Variants in RNF180 observed in about 807,000 individuals in gnomAD.
RNF180 encodes ring finger protein 180.
Under a neutral mutation model 59.2 loss-of-function variants are expected in RNF180, and 38 were observed. That is an observed-to-expected ratio of 0.64 (90% CI 0.50 to 0.84). The LOEUF (loss-of-function observed/expected upper bound fraction) is 0.84, where lower values mean the gene tolerates loss of function less well. Ranked by LOEUF, RNF180 falls within the 40% of genes least tolerant of loss-of-function variation. The probability of loss-of-function intolerance (pLI) is 0.00; values close to 1 mark genes in which losing one functional copy is unlikely to be tolerated. For missense variants in RNF180, 705 were observed against 700.9 expected (o/e 1.01, Z -0.07); for synonymous variants, 262 against 240.3 (o/e 1.09, Z -0.84).
intron 5 of RNF180, among the ~76,000 whole-genome samples, chr5:64,286,649 G>T (rs917031697): frequency 7.9e-5 from 12 of 152,180 alleles, no homozygotes; most frequent in African/African-American, 2.9e-4. Flanking sequence ...CTTTTCCATT[G>T]TGCGAAGCAC....
At chr5:64,171,374 G>T (rs1358771563) in intron 1 of RNF180, among the ~76,000 whole-genome samples, 1 of 152,196 alleles carries the variant, frequency 6.6e-6, no homozygotes, top group Admixed American at 6.5e-5. Context: ...ACTTTTGGCA[G>T]TTTTGTTTTA....
At chr5:64,327,853 G>A (rs1744720923) in intron 6 of RNF180, among the ~76,000 whole-genome samples, 1 of 152,096 alleles carries the variant, frequency 6.6e-6, no homozygotes, top group Non-Finnish European at 1.5e-5. Context: ...GCAATGCTGG[G>A]AATGAGTTAT....
chr5:64,252,539 G>C (rs1743652475), intron 5 of RNF180, among the ~76,000 whole-genome samples: 1 of 151,838 alleles, frequency 6.6e-6, no homozygotes, highest in Non-Finnish European at 1.5e-5. Context: ...TTTTGCATAG[G>C]GAATACATAC....
intron 5 of RNF180, among the ~76,000 whole-genome samples, chr5:64,324,512 T>C (rs749188798): frequency 6.6e-6 from 1 of 152,224 alleles, no homozygotes; most frequent in Non-Finnish European, 1.5e-5. Context: ...ATCATCGTTA[T>C]AACAAGACAA....
At chr5:64,250,498 G>GA (rs1307309932) in intron 5 of RNF180, among the ~76,000 whole-genome samples, 1 of 151,620 alleles carries the variant, frequency 6.6e-6, no homozygotes, top group African/African-American at 2.4e-5. Context: ...TTTTTAAAGA[G>GA]AAAATCAACA....
At chr5:64,282,842 A>G (rs756151611) in intron 5 of RNF180, among the ~76,000 whole-genome samples, 38 of 152,036 alleles carry the variant, frequency 2.5e-4, no homozygotes, top group South Asian at 4.1e-4. Context: ...ATTGATTTCT[A>G]TCTTTATTGT....
At chr5:64,350,577 A>G (rs1484964565) in intron 7 of RNF180, among the ~76,000 whole-genome samples, 1 of 152,110 alleles carries the variant, frequency 6.6e-6, no homozygotes, top group Non-Finnish European at 1.5e-5. Flanking sequence ...TTTTGAATGA[A>G]TTTTTGTATA....
intron 5 of RNF180, among the ~76,000 whole-genome samples, chr5:64,274,163 G>A (rs13174761): frequency 0.084 from 12,793 of 151,848 alleles, 757 homozygotes; most frequent in Non-Finnish European, 0.13. Flanking sequence ...GAATCTTAAC[G>A]GTTAATCATT....
At chr5:64,364,083 C>A (rs951702577) in intron 7 of RNF180, among the ~76,000 whole-genome samples, 3 of 151,758 alleles carry the variant, frequency 2.0e-5, no homozygotes, top group African/African-American at 7.3e-5. Flanking sequence ...TTCTTTCTTT[C>A]TCTTGCCTGA....
chr5:64,174,593 G>A (rs982363229), intron 1 of RNF180, among the ~76,000 whole-genome samples: 2 of 151,794 alleles, frequency 1.3e-5, no homozygotes, highest in Non-Finnish European at 2.9e-5. Flanking sequence ...TCATATACCC[G>A]TTGGCCATTT....
intron 5 of RNF180, among the ~76,000 whole-genome samples, chr5:64,253,286 G>C (rs1743703284): frequency 6.6e-6 from 1 of 152,192 alleles, no homozygotes; most frequent in South Asian, 2.1e-4. Context: ...TGTCAATGAA[G>C]TTTCTATCTC....
At chr5:64,210,876 A>G (rs1176173271) in intron 2 of RNF180, among the ~76,000 whole-genome samples, 1 of 152,156 alleles carries the variant, frequency 6.6e-6, no homozygotes, top group Non-Finnish European at 1.5e-5. Context: ...CAGAGAAAGA[A>G]TGTCATGATT....
rs1001475362 is a variant in RNF180 at position 64,285,600 on chromosome 5, A to G, written c.1228-39586A>G. The stretch of plus-strand genomic sequence containing the variant: ...GGTGCACTCTGCCAGTGAAAGAGCT[A>G]TGATGAGGGACTCCCGGGAGCACCA... On this transcript the variant is annotated intron_variant, in intron 5 of 7. Coordinates refer to ENST00000389100, the MANE Select transcript of RNF180 (RefSeq NM_001113561.2). Among the ~76,000 whole-genome samples, 3 of 152,128 alleles carry G rather than the reference A, an allele frequency of 2.0e-5. No homozygotes were observed. The South Asian group carries it at 6.2e-4, about 32-fold the overall frequency.
At chr5:64,231,722 C>A in intron 5 of RNF180, among the ~76,000 whole-genome samples, 1 of 152,200 alleles carries the variant, frequency 6.6e-6, no homozygotes, top group Admixed American at 6.5e-5. Context: ...TACCAGCAAT[C>A]TCTGGAGAAT....
At chr5:64,211,477 G>A (rs774510273) in intron 2 of RNF180, among the ~76,000 whole-genome samples, 10 of 152,092 alleles carry the variant, frequency 6.6e-5, no homozygotes, top group Non-Finnish European at 1.5e-4. Flanking sequence ...CTTTATGGGA[G>A]GTCAGAAAAT....
At chr5:64,359,062 C>A (rs1280932537) in intron 7 of RNF180, among the ~76,000 whole-genome samples, 2 of 151,108 alleles carry the variant, frequency 1.3e-5, no homozygotes, top group African/African-American at 4.9e-5. Flanking sequence ...GGTTCCAAGT[C>A]TTTGCTATCG....
At chr5:64,213,403 T>G (rs749791323) in intron 3 of RNF180, among the ~76,000 whole-genome samples, 155 bp from the exon 4 acceptor site, 3 of 152,226 alleles carry the variant, frequency 2.0e-5, no homozygotes, top group Non-Finnish European at 4.4e-5. Context: ...GAAGGCTTGT[T>G]TTATTTGCTG....
intron 5 of RNF180, among the ~76,000 whole-genome samples, chr5:64,284,020 C>T (rs1742147583): frequency 1.3e-5 from 2 of 152,258 alleles, no homozygotes; most frequent in Admixed American, 1.3e-4. Context: ...GTTTAGCACT[C>T]CCTTCAGGAC....
At chr5:64,260,115 A>G (rs2112313655) in intron 5 of RNF180, among the ~76,000 whole-genome samples, 1 of 152,364 alleles carries the variant, frequency 6.6e-6, no homozygotes, top group Admixed American at 6.5e-5. Flanking sequence ...ACGTATCTAT[A>G]GGCACATATG....
Sources: gnomAD v4.1 joint callset for allele counts (sites outside exome capture counted in the v4.1 genomes callset) on GRCh38, gnomAD v4.1.1 for gene constraint, MANE v1.5 for transcripts, NCBI Gene and HGNC (gene_info 2026-07-23, HGNC 2026-07-21) for gene names.